CAPN3: variants seen among roughly 807,000 people sequenced by gnomAD.
CAPN3 encodes calpain 3, also known as calpain-3.
CAPN3 carries 88 observed loss-of-function variants against 114.0 expected under a neutral mutation model. The observed-to-expected ratio is 0.77, with a 90% CI of 0.65 to 0.92. CAPN3 has a LOEUF of 0.92. Ranked by LOEUF, CAPN3 falls within the 40% of genes least tolerant of loss-of-function variation. CAPN3 has a pLI of 0.00. For synonymous variants in CAPN3, 386 were observed against 382.9 expected (o/e 1.01, Z -0.09); for missense variants, 1,028 against 1,069.0 (o/e 0.96, Z 0.53).
In CAPN3 at chr15:42,387,824, T is replaced by C. The variant is rs2053444786; in HGVS notation, c.570T>C (p.Val190=). ...TGCCAACGTACAACAATCAACTGGT[T>C]TTCACCAAGTCCAACCACCGCAATG... ...DCLPTYNNQL[V]FTKSNHRNEF... is the part of the protein sequence containing the mutation. Residue 190 remains valine, a synonymous_variant, in exon 4 of 24, where the codon GTT becomes GTC. Transcript: ENST00000397163. 5.0e-6 allele frequency: 8 copies of C among 1,614,014 alleles called. No individual in the cohort carries two copies. Among genetic ancestry groups the C allele is most frequent in the Non-Finnish European group, 6.8e-6 (8 of 1,180,022 alleles).
At chr15:42,395,394 G>C (rs1235506266) in intron 8 of CAPN3, among the ~76,000 whole-genome samples, 1 of 152,162 alleles carries the variant, frequency 6.6e-6, no homozygotes, top group Non-Finnish European at 1.5e-5. Context: ...ACACAGACAC[G>C]TGGGCCCTGT....
chr15:42,370,295 C>T (rs547992299), intron 1 of CAPN3, among the ~76,000 whole-genome samples: 1 of 152,236 alleles, frequency 6.6e-6, no homozygotes, highest in East Asian at 1.9e-4. Flanking sequence ...ATCTTCTCAG[C>T]CAGGAGTCAT....
At position 42,410,509 on chromosome 15, in the gene CAPN3, A is replaced by G. The variant is rs1367563412; in HGVS notation, c.2184+13A>G. 6.2e-7 allele frequency: 1 copy of G among 1,613,914 alleles called. No individual in the cohort carries two copies. Among genetic ancestry groups the G allele is most frequent in the Non-Finnish European group, 8.5e-7 (1 of 1,179,834 alleles). The stretch of plus-strand genomic sequence containing the variant: ...TAAGGCCTGGCAGGTGGGAAGAGAA[A>G]ATGAAGCGTGGGAGTCAAGAATGGG... On this transcript the variant is annotated intron_variant, in intron 20 of 23. Transcript: ENST00000397163.
intron 6 of CAPN3, 26 bp downstream of exon 6, chr15:42,390,122 C>A (rs1462141748): frequency 2.5e-6 from 4 of 1,613,676 alleles, no homozygotes; most frequent in Admixed American, 3.3e-5. Flanking sequence ...ATTATCAGAA[C>A]TGACCATCCC....
At chr15:42,386,914 G>C (rs1468697355) in intron 3 of CAPN3, among the ~76,000 whole-genome samples, 1 of 152,058 alleles carries the variant, frequency 6.6e-6, no homozygotes, top group Admixed American at 6.6e-5. Flanking sequence ...CCGGGATGCT[G>C]GGGAGTCAGC....
At chr15:42,404,111 T>C (rs898940201) in intron 14 of CAPN3, 3 of 492,442 alleles carry the variant, frequency 6.1e-6, no homozygotes, top group Admixed American at 2.3e-5. Context: ...CTGGATAACA[T>C]TGGATTTCAC....
chr15:42,366,828 C>CTTTTTTTTTTTTTTTTTT (rs545010219), intron 1 of CAPN3, among the ~76,000 whole-genome samples: 1 of 127,856 alleles, frequency 7.8e-6, no homozygotes, highest in African/African-American at 3.4e-5. Context: ...TCTTTTTTTT[C>CTTTTTTTTTTTTTTTTTT]TTTTTTTTTT....
rs527999594 is a variant in CAPN3 at position 42,386,647 on chromosome 15, A to C, written c.498+362A>C. ...ACAGGACCCTTCAGGTTGTACAGGA[A>C]CCCCTGTCCAGGGCTCCTGTATACT... is the stretch of plus-strand genomic sequence containing the variant. On this transcript the variant is annotated intron_variant, in intron 3 of 23. Transcript: ENST00000397163. Among the ~76,000 whole-genome samples, 165 of 152,178 alleles carry C rather than the reference A, an allele frequency of 1.1e-3. 3 individuals are homozygous for C. Among genetic ancestry groups the C allele is most frequent in the Non-Finnish European group, 4.0e-4 (27 of 67,998 alleles).
At chr15:42,389,792 G>T (rs1221336829) in intron 5 of CAPN3, among the ~76,000 whole-genome samples, 161 bp from the exon 6 acceptor site, 1 of 152,096 alleles carries the variant, frequency 6.6e-6, no homozygotes, top group Non-Finnish European at 1.5e-5. Flanking sequence ...CTTTTTTTCT[G>T]TATCACTTTT....
intron 1 of CAPN3, among the ~76,000 whole-genome samples, chr15:42,365,343 C>G (rs1357590576): frequency 1.3e-5 from 2 of 152,194 alleles, no homozygotes; most frequent in Non-Finnish European, 2.9e-5. Context: ...ATACAGCCAC[C>G]TCCAGCTTAA....
chr15:42,399,558 T>C lies in CAPN3; in HGVS notation c.1260T>C (p.Ala420=). 3 of 1,613,892 alleles carry C rather than the reference T, an allele frequency of 1.9e-6. No individual in the cohort carries two copies. The highest frequency in any genetic ancestry group is 2.5e-6 in the Non-Finnish European group (3 of 1,179,820). ...KLEICNLTAD[A]LQSDKLQTWT... ...AGATCTGCAACCTCACGGCCGATGCTCTGCAGTCTGACAAGCTTCAGACCT... is the reference window on the plus strand; with the variant it reads ...AGATCTGCAACCTCACGGCCGATGCCCTGCAGTCTGACAAGCTTCAGACCT... The change falls in exon 10 of 24, where the codon GCT becomes GCC. Residue 420 remains alanine, a synonymous_variant. Transcript: ENST00000397163.
intron 6 of CAPN3, 74 bp from the exon 7 acceptor site, chr15:42,392,565 T>C: frequency 8.8e-7 from 1 of 1,139,502 alleles, no homozygotes; most frequent in Non-Finnish European, 1.3e-6. Flanking sequence ...AATGAACTAG[T>C]ATGAACTTTG....
At chr15:42,401,908 C>T in intron 11 of CAPN3, 98 bp downstream of exon 11, 1 of 1,376,468 alleles carries the variant, frequency 7.3e-7, no homozygotes, top group Non-Finnish European at 1.0e-6. Flanking sequence ...CCTCAATACC[C>T]AGTGACCCAC....
intron 9 of CAPN3, among the ~76,000 whole-genome samples, chr15:42,397,113 C>T (rs2053716964): frequency 6.6e-6 from 1 of 152,132 alleles, no homozygotes; most frequent in Non-Finnish European, 1.5e-5. Context: ...CCTGTGTGCC[C>T]CTCCGCCACA....
chr15:42,378,268 C>T (rs766446086), intron 1 of CAPN3, among the ~76,000 whole-genome samples: 7 of 152,150 alleles, frequency 4.6e-5, no homozygotes, highest in Admixed American at 6.5e-5. Flanking sequence ...GCTATCCTGC[C>T]GTGAGTGATC....
At chr15:42,377,775 CA>C (rs1442740227) in intron 1 of CAPN3, among the ~76,000 whole-genome samples, 2 of 152,106 alleles carry the variant, frequency 1.3e-5, no homozygotes, top group Non-Finnish European at 2.9e-5. Context: ...TGGTAGAATT[CA>C]TTAGTGAAAC....
chr15:42,375,422 A>C (rs965205380), intron 1 of CAPN3, among the ~76,000 whole-genome samples: 2 of 151,952 alleles, frequency 1.3e-5, no homozygotes, highest in African/African-American at 4.8e-5. Context: ...GCAACCGAGA[A>C]GCCCCTTGTG....
chr15:42,387,747 G>C lies in CAPN3; in HGVS notation c.499-6G>C. The C allele has an allele frequency of 8.1e-6, 13 of 1,614,214 alleles. No homozygotes were observed. Among genetic ancestry groups the C allele is most frequent in the Non-Finnish European group, 1.1e-5 (13 of 1,180,028 alleles). On this transcript the variant is annotated splice_polypyrimidine_tract_variant and splice_region_variant and intron_variant, in intron 3 of 23. Coordinates refer to ENST00000397163, the MANE Select transcript of CAPN3 (RefSeq NM_000070.3). ...ATGTGACTCTGTGCGTGACGCTTCT[G>C]TGCAGTTCTGGCGCTATGGAGAGTG... is the stretch of plus-strand genomic sequence containing the variant.
intron 9 of CAPN3, among the ~76,000 whole-genome samples, chr15:42,398,670 C>T (rs113553910): frequency 0.11 from 15,037 of 141,352 alleles, 1,627 homozygotes; most frequent in African/African-American, 0.32. Context: ...CACACATATA[C>T]ACACACACAC....
Sources: gnomAD v4.1 joint callset for allele counts (sites outside exome capture counted in the v4.1 genomes callset) on GRCh38, gnomAD v4.1.1 for gene constraint, MANE v1.5 for transcripts, NCBI Gene and HGNC (gene_info 2026-07-23, HGNC 2026-07-21) for gene names.